TDRD5: variants seen among roughly 807,000 people sequenced by gnomAD.
The protein encoded by TDRD5 is tudor domain-containing protein 5.
In TDRD5, 41 loss-of-function variants were observed where a neutral mutation model predicts 120.6. The ratio of observed to expected loss-of-function variants is 0.34; its 90% CI spans 0.26 to 0.44. TDRD5 has a LOEUF of 0.44. TDRD5 is among the 20% of genes least tolerant of loss of function. The probability of loss-of-function intolerance (pLI) is 1.00; values close to 1 mark genes in which losing one functional copy is unlikely to be tolerated. For synonymous variants in TDRD5, 430 were observed against 433.7 expected (o/e 0.99, Z 0.11); for missense variants, 1,006 against 1,221.2 (o/e 0.82, Z 2.63).
At chr1:179,669,031 A>C (rs1572423448) in intron 16 of TDRD5, among the ~76,000 whole-genome samples, 163 bp from the exon 17 acceptor site, 1 of 152,114 alleles carries the variant, frequency 6.6e-6, no homozygotes, top group Non-Finnish European at 1.5e-5. Context: ...GGCGTGAGCC[A>C]CCGCGCCCGG....
chr1:179,647,092 A>G (rs1678416483), intron 11 of TDRD5, among the ~76,000 whole-genome samples: 1 of 150,012 alleles, frequency 6.7e-6, no homozygotes, highest in Admixed American at 6.7e-5. Flanking sequence ...CAGAATTGGA[A>G]AAAACTACTT....
chr1:179,630,696 A>G (rs1398606541), intron 6 of TDRD5, 71 bp from the exon 7 acceptor site: 2 of 1,488,598 alleles, frequency 1.3e-6, no homozygotes, highest in Non-Finnish European at 1.8e-6. Context: ...TTGGTTGTCC[A>G]AGGACAACTA....
chr1:179,633,437 C>T (rs1308905901), intron 7 of TDRD5, among the ~76,000 whole-genome samples: 2 of 151,886 alleles, frequency 1.3e-5, no homozygotes, highest in African/African-American at 4.8e-5. Flanking sequence ...CTGCAACCTC[C>T]GCCTCCCAGG....
intron 7 of TDRD5, among the ~76,000 whole-genome samples, chr1:179,631,339 C>T (rs1413147599): frequency 1.3e-5 from 2 of 152,110 alleles, no homozygotes; most frequent in African/African-American, 4.8e-5. Context: ...TTGCCGGGAG[C>T]CGAGATCAAG....
intron 13 of TDRD5, 95 bp downstream of exon 13, chr1:179,652,292 A>C (rs1020741135): frequency 1.5e-6 from 2 of 1,340,914 alleles, no homozygotes; most frequent in African/African-American, 3.0e-5. Context: ...AATTTTGGAA[A>C]GTTTGGAAAT....
At chr1:179,635,064 T>C (rs11811313) in intron 8 of TDRD5, among the ~76,000 whole-genome samples, 7,170 of 152,266 alleles carry the variant, frequency 0.047, 262 homozygotes, top group Non-Finnish European at 0.069. Context: ...TTGTCTCCCA[T>C]TACTTATTTT....
chr1:179,595,251 A>G (rs1675327459), intron 3 of TDRD5, among the ~76,000 whole-genome samples: 1 of 152,106 alleles, frequency 6.6e-6, no homozygotes, highest in Admixed American at 6.5e-5. Context: ...TGGTACTACT[A>G]CTAGTGGTTA....
chr1:179,633,974 A>G (rs1677608728), intron 7 of TDRD5, among the ~76,000 whole-genome samples: 1 of 151,966 alleles, frequency 6.6e-6, no homozygotes, highest in Admixed American at 6.5e-5. Context: ...GATAGAGACC[A>G]TCCTGGCTAA....
At chr1:179,688,391 G>T (rs1266026320) in intron 17 of TDRD5, among the ~76,000 whole-genome samples, 2 of 136,310 alleles carry the variant, frequency 1.5e-5, no homozygotes, top group Admixed American at 1.6e-4. Context: ...CTTCTGGTTT[G>T]TAGAGTTTGT....
chr1:179,665,774 T>C (rs544382138), intron 16 of TDRD5, among the ~76,000 whole-genome samples: 2 of 152,252 alleles, frequency 1.3e-5, no homozygotes, highest in East Asian at 3.9e-4. Context: ...CTCCTTAAGG[T>C]ATATTTCTTA....
intron 17 of TDRD5, among the ~76,000 whole-genome samples, chr1:179,680,334 G>A (rs575544990): frequency 3.9e-5 from 6 of 152,216 alleles, no homozygotes; most frequent in Admixed American, 2.6e-4. Flanking sequence ...TGTTTGAATC[G>A]TCTGTATCCT....
At chr1:179,624,865 C>T (rs981555415) in intron 6 of TDRD5, among the ~76,000 whole-genome samples, 2 of 151,938 alleles carry the variant, frequency 1.3e-5, no homozygotes, top group Non-Finnish European at 2.9e-5. Flanking sequence ...GCGGGCTATT[C>T]GTAGATACTA....
At chr1:179,677,413 G>A (rs565834603) in intron 17 of TDRD5, among the ~76,000 whole-genome samples, 1 of 152,124 alleles carries the variant, frequency 6.6e-6, no homozygotes, top group South Asian at 2.1e-4. Context: ...TCTTTTAGGG[G>A]TGTTAAAGAA....
At chr1:179,648,148 G>A (rs1385353260) in intron 11 of TDRD5, among the ~76,000 whole-genome samples, 6 of 145,390 alleles carry the variant, frequency 4.1e-5, no homozygotes, top group Admixed American at 7.1e-5. Flanking sequence ...ACATGCACAC[G>A]TATGTTTATT....
At chr1:179,645,306 C>G (rs998278821) in intron 11 of TDRD5, among the ~76,000 whole-genome samples, 25 of 151,616 alleles carry the variant, frequency 1.6e-4, no homozygotes, top group Non-Finnish European at 2.1e-4. Flanking sequence ...GGGATGGTCT[C>G]GATCTCCTGA....
intron 11 of TDRD5, among the ~76,000 whole-genome samples, 194 bp from the exon 12 acceptor site, chr1:179,650,672 AT>A (rs1219410819): frequency 6.6e-6 from 1 of 152,124 alleles, no homozygotes; most frequent in Non-Finnish European, 1.5e-5. Flanking sequence ...CAGTAATTAC[AT>A]TTTTTATCAT....
At chr1:179,659,825 G>C (rs1462183954) in intron 14 of TDRD5, among the ~76,000 whole-genome samples, 1 of 151,912 alleles carries the variant, frequency 6.6e-6, no homozygotes. Flanking sequence ...AGCCTCCTGA[G>C]TAGCTGGGAT....
intron 4 of TDRD5, among the ~76,000 whole-genome samples, chr1:179,602,479 A>G (rs541799229): frequency 2.1e-4 from 32 of 152,180 alleles, no homozygotes; most frequent in Non-Finnish European, 3.8e-4. Context: ...GGTTTTTCCA[A>G]TGTTATCTTC....
In TDRD5 at chr1:179,654,365, A is replaced by C; in HGVS notation, c.2322+3A>C. Reference sequence around the variant, plus strand: ...ACGATCTGAAGGAAGAAAATGAGGTAGGAGAAGGAAAGATAGTCTTTGAAT... The same window carrying C: ...ACGATCTGAAGGAAGAAAATGAGGTCGGAGAAGGAAAGATAGTCTTTGAAT... On this transcript the variant is annotated splice_donor_region_variant and intron_variant, in intron 14 of 17. Coordinates refer to ENST00000444136, the MANE Select transcript of TDRD5 (RefSeq NM_001199085.3). 1 of 1,524,908 alleles carries C rather than the reference A, an allele frequency of 6.6e-7. No individual in the cohort carries two copies. Among genetic ancestry groups the C allele is most frequent in the Non-Finnish European group, 8.8e-7 (1 of 1,134,646 alleles). The allele number at this position is 1,524,908 out of a possible 1,614,324, so 94.5% of individuals were successfully genotyped here. A position where few individuals can be genotyped will look rare whatever the true frequency, so the allele number is the denominator to read the frequency against.
Sources: gnomAD v4.1 joint callset for allele counts (sites outside exome capture counted in the v4.1 genomes callset) on GRCh38, gnomAD v4.1.1 for gene constraint, MANE v1.5 for transcripts, NCBI Gene and HGNC (gene_info 2026-07-23, HGNC 2026-07-21) for gene names.